Variants in FAM167A observed in about 807,000 individuals in gnomAD.
The protein encoded by FAM167A is protein FAM167A.
In FAM167A, 23 loss-of-function variants were observed where a neutral mutation model predicts 14.9. The observed-to-expected ratio is 1.55, with a 90% CI of 1.11 to 2.19. FAM167A has a LOEUF of 2.19. FAM167A is among the 30% of genes most tolerant of loss of function. The pLI is 0.00. For missense variants in FAM167A, 401 were observed against 281.5 expected, an observed-to-expected ratio of 1.42 and a Z score of -3.04; for synonymous variants, 174 against 117.7, an observed-to-expected ratio of 1.48 and a Z score of -3.10.
intron 2 of FAM167A, among the ~76,000 whole-genome samples, chr8:11,436,431 C>T (rs1806019383): frequency 6.6e-6 from 1 of 152,192 alleles, no homozygotes; most frequent in African/African-American, 2.4e-5. Context: ...TCTTGCTGGG[C>T]CCCCGGCAAG....
rs1025781135 is a variant in FAM167A, at chr8:11,423,225, C to T, written c.*1148G>A. 11 of 152,256 alleles carry T rather than the reference C, an allele frequency of 7.2e-5. No homozygotes were observed. The highest frequency in any genetic ancestry group is 2.2e-4 in the African/African-American group (9 of 41,434). The allele number at this position is 152,256 out of a possible 1,614,324, so 9.4% of individuals were successfully genotyped here. A position where few individuals can be genotyped will look rare whatever the true frequency, so the allele number is the denominator to read the frequency against. On this transcript the variant is annotated 3_prime_UTR_variant, in exon 3 of 3. Transcript: ENST00000284486. ...GGACCCCTGCCATGCCGTATGACCC[C>T]AGACTGACCTCCCTAACCTGCTGGG...
chr8:11,444,660 C>T lies in FAM167A; in HGVS notation c.-249G>A, dbSNP rs1384786110. ...GTCCTGGAAGCCTGTGGGTGCCATG[C>T]TCCACAGAAGGCAGGAACAGACAGC... On this transcript the variant is annotated 5_prime_UTR_variant, in exon 2 of 3. Transcript: ENST00000284486. The T allele has an allele frequency of 7.8e-7, 1 of 1,287,578 alleles. No homozygotes were observed. Among genetic ancestry groups the T allele is most frequent in the African/African-American group, 1.5e-5 (1 of 65,410 alleles). 79.8% of individuals were successfully genotyped at this position (1,287,578 alleles called of 1,614,324 possible).
At chr8:11,449,982 C>G (rs755894513) in intron 1 of FAM167A, among the ~76,000 whole-genome samples, 1 of 152,248 alleles carries the variant, frequency 6.6e-6, no homozygotes, top group Non-Finnish European at 1.5e-5. Context: ...GACCCATCCC[C>G]TCCACACCTC....
At chr8:11,430,136 C>T (rs961078484) in intron 2 of FAM167A, among the ~76,000 whole-genome samples, 3 of 152,188 alleles carry the variant, frequency 2.0e-5, no homozygotes, top group Non-Finnish European at 4.4e-5. Flanking sequence ...AATTTCCAGT[C>T]CCCGCTCCCA....
rs1804977764 is a variant in FAM167A at position 11,424,349 on chromosome 8, C to T, written c.*24G>A. 3 of 1,611,650 alleles carry T rather than the reference C, an allele frequency of 1.9e-6. No homozygotes were observed. In the Admixed American group the frequency reaches 5.0e-5, roughly 27 times the overall value. ...TCCAGCCCAAGCCCTCCGCTCCAGCCCCTCCGCCCAGTCTGAGGGCTCCTC... is the reference window on the plus strand; with the variant it reads ...TCCAGCCCAAGCCCTCCGCTCCAGCTCCTCCGCCCAGTCTGAGGGCTCCTC... On this transcript the variant is annotated 3_prime_UTR_variant, in exon 3 of 3. Transcript: ENST00000284486.
chr8:11,463,754 A>G (rs1046911878), intron 1 of FAM167A, among the ~76,000 whole-genome samples: 2 of 152,330 alleles, frequency 1.3e-5, no homozygotes, highest in East Asian at 3.9e-4. Flanking sequence ...GGCTTGGTCC[A>G]TGCCCCCAGT....
intron 1 of FAM167A, among the ~76,000 whole-genome samples, chr8:11,448,183 G>C (rs1281979457): frequency 7.1e-6 from 1 of 140,888 alleles, no homozygotes; most frequent in Non-Finnish European, 1.5e-5. Flanking sequence ...GACAGGGCGA[G>C]ACTCTGTCTT....
At position 11,444,586 on chromosome 8, in the gene FAM167A, C is replaced by T. The variant is rs35657205; in HGVS notation, c.-175G>A. On this transcript the variant is annotated 5_prime_UTR_variant, in exon 2 of 3. Coordinates refer to ENST00000284486, the MANE Select transcript of FAM167A (RefSeq NM_053279.3). Reference sequence around the variant, plus strand: ...GTGGCAGGGGAGCTGAGAGGGACCGCGCAGTGAGCCGCACAGGGCGCCCTC... The same window carrying T: ...GTGGCAGGGGAGCTGAGAGGGACCGTGCAGTGAGCCGCACAGGGCGCCCTC... 0.03 allele frequency: 42,862 copies of T among 1,425,292 alleles called. 784 individuals carry two copies. Among genetic ancestry groups the T allele is most frequent in the Middle Eastern group, 0.039 (150 of 3,840 alleles). The allele number at this position is 1,425,292 out of a possible 1,614,324, so 88.3% of individuals were successfully genotyped here. A position where few individuals can be genotyped will look rare whatever the true frequency, so the allele number is the denominator to read the frequency against.
chr8:11,455,892 A>AGAGTGT (rs1279863607), intron 1 of FAM167A, among the ~76,000 whole-genome samples: 13 of 127,220 alleles, frequency 1.0e-4, no homozygotes, highest in South Asian at 8.4e-4. Context: ...GTTGCCTTGC[A>AGAGTGT]GAGTGTGAGT....
chr8:11,426,315 T>C (rs758470051), intron 2 of FAM167A, among the ~76,000 whole-genome samples: 2 of 152,220 alleles, frequency 1.3e-5, no homozygotes, highest in Non-Finnish European at 2.9e-5. Context: ...CTCTGAAATG[T>C]GTAAAACCAA....
chr8:11,441,151 A>C (rs1205291866), intron 2 of FAM167A, among the ~76,000 whole-genome samples: 1 of 152,186 alleles, frequency 6.6e-6, no homozygotes, highest in African/African-American at 2.4e-5. Context: ...TGGACCACTC[A>C]GGGTGGGATG....
intron 1 of FAM167A, among the ~76,000 whole-genome samples, chr8:11,456,172 CTGTGTGTGTG>C (rs557569423): frequency 4.3e-3 from 15 of 3,460 alleles, no homozygotes; most frequent in South Asian, 6.8e-3. Flanking sequence ...GGTTGCCTTG[CTGTGTGTGTG>C]TGTGAATGTG....
intron 2 of FAM167A, among the ~76,000 whole-genome samples, chr8:11,443,425 C>G (rs990329466): frequency 1.3e-5 from 2 of 152,232 alleles, no homozygotes; most frequent in African/African-American, 4.8e-5. Flanking sequence ...AACTCCTCCT[C>G]TGAGCCTCCT....
chr8:11,449,905 C>G (rs921762658), intron 1 of FAM167A, among the ~76,000 whole-genome samples: 7 of 152,254 alleles, frequency 4.6e-5, no homozygotes, highest in Non-Finnish European at 1.0e-4. Context: ...AATCTGTTCA[C>G]CTGGAAAACG....
chr8:11,440,747 C>G lies in FAM167A; in HGVS notation c.381+3284G>C, dbSNP rs146273857. 6.3e-3 allele frequency among the ~76,000 whole-genome samples: 955 copies of G among 152,346 alleles called. 7 individuals are homozygous for G. The highest frequency in any genetic ancestry group is 9.3e-3 in the Admixed American group (142 of 15,304). On this transcript the variant is annotated intron_variant, in intron 2 of 2. Transcript: ENST00000284486. ...CGTGAGAACAAACAACACATTTGCA[C>G]TTGAGCCTAACAAATCTGTAGGAAG...
chr8:11,430,381 T>A (rs546940762), intron 2 of FAM167A, among the ~76,000 whole-genome samples: 2 of 152,220 alleles, frequency 1.3e-5, no homozygotes, highest in Non-Finnish European at 2.9e-5. Flanking sequence ...TGATCTGTAC[T>A]ACAGATGTTT....
At chr8:11,469,763 G>C (rs1181481675), upstream of FAM167A, among the ~76,000 whole-genome samples, 3 of 151,968 alleles carry the variant, frequency 2.0e-5, no homozygotes, top group Non-Finnish European at 4.4e-5. Context: ...CACACCTGAA[G>C]TCCCAGCTAC....
At position 11,424,651 on chromosome 8, in the gene FAM167A, G is replaced by T; in HGVS notation, c.382-15C>A. 2 of 1,612,360 alleles carry T rather than the reference G, an allele frequency of 1.2e-6. No individual in the cohort carries two copies. The highest frequency in any genetic ancestry group is 1.1e-5 in the South Asian group (1 of 91,010). On this transcript the variant is annotated splice_polypyrimidine_tract_variant and intron_variant, in intron 2 of 2. Transcript: ENST00000284486. Reference sequence around the variant, plus strand: ...CGCATCTCCGTCTGGAAGGGAGGGGGAGCAGGCAGGGTCAGCAGAGAGTGG... The same window carrying T: ...CGCATCTCCGTCTGGAAGGGAGGGGTAGCAGGCAGGGTCAGCAGAGAGTGG...
chr8:11,462,263 G>A (rs1423300655), intron 1 of FAM167A, among the ~76,000 whole-genome samples: 13 of 152,338 alleles, frequency 8.5e-5, no homozygotes, highest in Admixed American at 1.3e-4. Flanking sequence ...GTCGGGGGAC[G>A]TGGGTTGGTT....
Sources: gnomAD v4.1 joint callset for allele counts (sites outside exome capture counted in the v4.1 genomes callset) on GRCh38, gnomAD v4.1.1 for gene constraint, MANE v1.5 for transcripts, NCBI Gene and HGNC (gene_info 2026-07-23, HGNC 2026-07-21) for gene names.